Variants in LSAMP observed in about 807,000 individuals in gnomAD.
LSAMP encodes limbic system associated membrane protein.
In LSAMP, 7 loss-of-function variants were observed where a neutral mutation model predicts 38.6. That is an observed-to-expected ratio of 0.18 (90% CI 0.10 to 0.34). LSAMP has a LOEUF of 0.34. Among genes scored for constraint, LSAMP ranks in the 10% least tolerant of loss-of-function variants. The pLI, the probability that LSAMP is intolerant of heterozygous loss-of-function variation, is 1.00. For missense variants in LSAMP, 313 were observed against 420.0 expected, an observed-to-expected ratio of 0.75 and a Z score of 2.23; for synonymous variants, 154 against 166.8, an observed-to-expected ratio of 0.92 and a Z score of 0.59.
chr3:116,358,339 A>G (rs1012914625), intron 1 of LSAMP, among the ~76,000 whole-genome samples: 2 of 152,168 alleles, frequency 1.3e-5, no homozygotes, highest in Non-Finnish European at 2.9e-5. Context: ...GTAGTGAGCA[A>G]TATAGTAATA....
chr3:116,419,495 T>C (rs2049094251), intron 1 of LSAMP, among the ~76,000 whole-genome samples: 2 of 152,168 alleles, frequency 1.3e-5, no homozygotes, highest in Admixed American at 1.3e-4. Context: ...AAATGAGTGC[T>C]CTGAGGTCTA....
intron 2 of LSAMP, among the ~76,000 whole-genome samples, chr3:116,074,052 A>G (rs1015566941): frequency 6.6e-6 from 1 of 152,178 alleles, no homozygotes; most frequent in Admixed American, 6.5e-5. Flanking sequence ...CAATGATACA[A>G]CCACTTCCAT....
At chr3:115,979,187 AAG>A (rs555837074) in intron 3 of LSAMP, among the ~76,000 whole-genome samples, 21 of 151,972 alleles carry the variant, frequency 1.4e-4, no homozygotes, top group Non-Finnish European at 2.8e-4. Flanking sequence ...AAGAAGAGCA[AAG>A]AGGGGAGAGA....
chr3:115,839,013 C>T (rs1044033278), intron 6 of LSAMP, among the ~76,000 whole-genome samples: 3 of 152,162 alleles, frequency 2.0e-5, no homozygotes, highest in Non-Finnish European at 4.4e-5. Flanking sequence ...CAGCAGAGCA[C>T]CCCGCTGCCC....
At chr3:116,322,576 C>T (rs2047720302) in intron 1 of LSAMP, among the ~76,000 whole-genome samples, 2 of 151,984 alleles carry the variant, frequency 1.3e-5, no homozygotes, top group Admixed American at 1.3e-4. Flanking sequence ...ATTTTGTTTA[C>T]CCAGAAGATT....
intron 1 of LSAMP, among the ~76,000 whole-genome samples, chr3:116,173,978 T>C (rs1231893110): frequency 1.3e-5 from 2 of 151,940 alleles, no homozygotes; most frequent in African/African-American, 4.8e-5. Context: ...TCCTATACTT[T>C]TCAACTCTGA....
In LSAMP at chr3:115,803,349, T is replaced by G. The variant is rs1346258250; in HGVS notation, c.*6968A>C. 1 of 152,288 alleles carries G rather than the reference T, an allele frequency of 6.6e-6. No individual in the cohort carries two copies. Among genetic ancestry groups the G allele is most frequent in the African/African-American group, 2.4e-5 (1 of 41,458 alleles). The allele number at this position is 152,288 out of a possible 1,614,324, so 9.4% of individuals were successfully genotyped here. On this transcript the variant is annotated 3_prime_UTR_variant, in exon 7 of 7. Coordinates refer to ENST00000490035, the MANE Select transcript of LSAMP (RefSeq NM_002338.5). ...ACTCTTCAGTGACTGGAAACTCTGA[T>G]GCCTTCTGTTCTTTCAGACAATAAA...
intron 3 of LSAMP, among the ~76,000 whole-genome samples, chr3:115,971,505 G>A (rs899009042): frequency 2.6e-5 from 4 of 152,124 alleles, no homozygotes; most frequent in African/African-American, 9.7e-5. Context: ...TGCACTGACT[G>A]ACCTAATATT....
At chr3:115,854,128 T>G (rs1935418320) in intron 3 of LSAMP, among the ~76,000 whole-genome samples, 1 of 151,882 alleles carries the variant, frequency 6.6e-6, no homozygotes, top group South Asian at 2.1e-4. Context: ...TGTACAATCT[T>G]GATTAAAAAA....
intron 6 of LSAMP, among the ~76,000 whole-genome samples, chr3:115,836,426 C>T (rs533855332): frequency 2.0e-5 from 3 of 152,272 alleles, no homozygotes; most frequent in African/African-American, 4.8e-5. Context: ...ATAAGGAAAA[C>T]GAAACTTTCC....
intron 1 of LSAMP, among the ~76,000 whole-genome samples, chr3:116,100,012 C>T (rs9846439): frequency 0.011 from 1,621 of 147,494 alleles, 32 homozygotes; most frequent in African/African-American, 0.037. Flanking sequence ...CTTCTAAATT[C>T]CCTGTTATCA....
intron 2 of LSAMP, among the ~76,000 whole-genome samples, chr3:116,067,219 G>A (rs774625585): frequency 3.4e-4 from 51 of 152,056 alleles, no homozygotes; most frequent in Non-Finnish European, 5.7e-4. Context: ...TACCCTCCTA[G>A]AGAGCATATA....
At chr3:116,244,692 C>T (rs1303489195) in intron 1 of LSAMP, among the ~76,000 whole-genome samples, 12 of 152,136 alleles carry the variant, frequency 7.9e-5, no homozygotes, top group Non-Finnish European at 1.6e-4. Context: ...TATGTTCTGT[C>T]CCCTCCTTAT....
At chr3:116,325,817 C>T (rs766272051) in intron 1 of LSAMP, among the ~76,000 whole-genome samples, 35 of 152,118 alleles carry the variant, frequency 2.3e-4, no homozygotes, top group Non-Finnish European at 4.7e-4. Context: ...TTATTGACCA[C>T]TACAGCAGAA....
intron 3 of LSAMP, among the ~76,000 whole-genome samples, chr3:116,016,253 C>T (rs753527411): frequency 1.3e-5 from 2 of 152,122 alleles, no homozygotes; most frequent in Non-Finnish European, 1.5e-5. Context: ...AAGGAAAGTT[C>T]TCTCTCCTGT....
intron 2 of LSAMP, among the ~76,000 whole-genome samples, chr3:116,050,324 T>C (rs748247154): frequency 1.3e-5 from 2 of 152,130 alleles, no homozygotes; most frequent in Non-Finnish European, 2.9e-5. Flanking sequence ...CTGATGTTAC[T>C]AGCCCCAGAG....
At chr3:116,208,453 T>C (rs2046101437) in intron 1 of LSAMP, among the ~76,000 whole-genome samples, 1 of 152,242 alleles carries the variant, frequency 6.6e-6, no homozygotes, top group Admixed American at 6.5e-5. Context: ...AGGAACTGCA[T>C]TCCTTTGGAG....
intron 1 of LSAMP, among the ~76,000 whole-genome samples, chr3:116,356,865 C>T (rs2048231781): frequency 6.6e-6 from 1 of 152,166 alleles, no homozygotes; most frequent in Non-Finnish European, 1.5e-5. Flanking sequence ...GCCATCTCGG[C>T]TCACTGCAAG....
chr3:115,818,799 T>C (rs867283299), intron 6 of LSAMP, among the ~76,000 whole-genome samples: 2,683 of 108,314 alleles, frequency 0.025, 215 homozygotes, highest in African/African-American at 0.055. Flanking sequence ...TTTATATATA[T>C]ATATATATAT....
Sources: gnomAD v4.1 joint callset for allele counts (sites outside exome capture counted in the v4.1 genomes callset) on GRCh38, gnomAD v4.1.1 for gene constraint, MANE v1.5 for transcripts, NCBI Gene and HGNC (gene_info 2026-07-23, HGNC 2026-07-21) for gene names.